The following SMYD4 variants were observed in gnomAD, a reference collection of about 807,000 sequenced individuals.
SMYD4 encodes the protein protein-lysine N-methyltransferase SMYD4.
SMYD4 carries 68 observed loss-of-function variants against 72.8 expected under a neutral mutation model. That is an observed-to-expected ratio of 0.93 (90% CI 0.77 to 1.14). The LOEUF is 1.14. Ranked by LOEUF, SMYD4 falls within the 50% of genes most tolerant of loss-of-function variation. The pLI, the probability that SMYD4 is intolerant of heterozygous loss-of-function variation, is 0.00. For missense variants in SMYD4, 984 were observed against 1,003.7 expected, an observed-to-expected ratio of 0.98 and a Z score of 0.27; for synonymous variants, 407 against 388.6, an observed-to-expected ratio of 1.05 and a Z score of -0.56.
At chr17:1,814,076 C>T (rs1910463592) in intron 2 of SMYD4, among the ~76,000 whole-genome samples, 1 of 151,894 alleles carries the variant, frequency 6.6e-6, no homozygotes, top group Non-Finnish European at 1.5e-5. Context: ...TTTGGGAGGC[C>T]AAAGAGGGAA....
At chr17:1,827,598 AG>A (rs1911257655) in intron 2 of SMYD4, among the ~76,000 whole-genome samples, 1 of 152,160 alleles carries the variant, frequency 6.6e-6, no homozygotes, top group African/African-American at 2.4e-5. Context: ...ACGCTGGGAT[AG>A]AAACGAACCA....
chr17:1,803,371 A>G (rs2151237467), intron 4 of SMYD4, among the ~76,000 whole-genome samples: 1 of 152,366 alleles, frequency 6.6e-6, no homozygotes, highest in African/African-American at 2.4e-5. Flanking sequence ...AGCAGCAAAC[A>G]GTATACTTTG....
chr17:1,807,364 G>C (rs1421672376), intron 3 of SMYD4, among the ~76,000 whole-genome samples: 5 of 149,600 alleles, frequency 3.3e-5, no homozygotes, highest in South Asian at 2.1e-4. Context: ...TCGCTCTTTC[G>C]CCCAGGCTGG....
intron 2 of SMYD4, among the ~76,000 whole-genome samples, chr17:1,813,251 C>T (rs1311996001): frequency 6.6e-6 from 1 of 152,110 alleles, no homozygotes; most frequent in Non-Finnish European, 1.5e-5. Flanking sequence ...GATCTTGAGT[C>T]TGGAAAATGA....
chr17:1,798,757 A>G (rs2151232264), intron 5 of SMYD4, among the ~76,000 whole-genome samples: 1 of 152,136 alleles, frequency 6.6e-6, no homozygotes, highest in Non-Finnish European at 1.5e-5. Context: ...AAAATTAGCC[A>G]GGCATGGTGG....
intron 4 of SMYD4, among the ~76,000 whole-genome samples, chr17:1,802,876 G>C (rs777496046): frequency 6.6e-6 from 1 of 152,184 alleles, no homozygotes; most frequent in Non-Finnish European, 1.5e-5. Context: ...TGACACGGCT[G>C]GGCGCAGTGG....
intron 3 of SMYD4, among the ~76,000 whole-genome samples, chr17:1,807,659 G>A (rs539271697): frequency 2.6e-5 from 4 of 152,252 alleles, no homozygotes; most frequent in African/African-American, 7.2e-5. Context: ...CACCGCGCCC[G>A]GCCTGAGGAC....
chr17:1,815,633 A>C (rs973188973), intron 2 of SMYD4, among the ~76,000 whole-genome samples: 21 of 149,592 alleles, frequency 1.4e-4, no homozygotes, highest in African/African-American at 5.2e-4. Context: ...ACTCCAGCCC[A>C]GTCAGCACAG....
chr17:1,821,808 G>A (rs1228986549), intron 2 of SMYD4, among the ~76,000 whole-genome samples: 1 of 151,612 alleles, frequency 6.6e-6, no homozygotes. Flanking sequence ...GCACACACCT[G>A]TAATCCTAGC....
At chr17:1,782,906 A>C in intron 10 of SMYD4, 129 bp downstream of exon 10, 1 of 1,410,770 alleles carries the variant, frequency 7.1e-7, no homozygotes, top group South Asian at 1.5e-5. Flanking sequence ...ACAGAAGGCA[A>C]AGATCTCTCC....
At position 1,827,978 on chromosome 17, in the gene SMYD4, T is replaced by C. The variant is rs1353244906; in HGVS notation, c.17A>G (p.Asp6Gly). Residue 6 changes from aspartate (D) to glycine (G), a missense_variant, in exon 2 of 11, where the codon GAT becomes GGT. Transcript: ENST00000305513. The stretch of plus-strand genomic sequence containing the variant: ...TTGAAGCAGATATGATTTCCATTCA[T>C]CCACAGGCAGATCCATGCTGCTTTT... MDLPV[D>G]EWKSYLLQKW... The C allele has an allele frequency of 1.2e-6, 2 of 1,611,978 alleles. No homozygotes were observed. Among genetic ancestry groups the C allele is most frequent in the East Asian group, 2.2e-5 (1 of 44,796 alleles).
In SMYD4 at chr17:1,786,971, GC is replaced by G; in HGVS notation, c.1722del (p.Pro575LeufsTer15). ...GCAACCCCCATCCGGCTCTTGTGAGGCCCTGGAGGGAGATCACCGTCAGCCA... is the reference window on the plus strand; with the variant it reads ...GCAACCCCCATCCGGCTCTTGTGAGGCCTGGAGGGAGATCACCGTCAGCCA... ...RKGQEILHCY[G>X]PHKSRMGVAE... On this transcript the variant is annotated frameshift_variant and splice_region_variant, in exon 7 of 11. Transcript: ENST00000305513. LOFTEE classifies it high-confidence loss of function. 6.2e-7 allele frequency: 1 copy of G among 1,612,712 alleles called. No individual in the cohort carries two copies. The highest frequency in any genetic ancestry group is 8.5e-7 in the Non-Finnish European group (1 of 1,179,772).
chr17:1,808,508 C>A (rs979127597), intron 3 of SMYD4, among the ~76,000 whole-genome samples: 1 of 152,048 alleles, frequency 6.6e-6, no homozygotes, highest in Admixed American at 6.6e-5. Flanking sequence ...TCTTTATGCT[C>A]CTCTGTACTT....
At chr17:1,801,051 T>C (rs773574249) in intron 4 of SMYD4, 27 bp from the exon 5 acceptor site, 3 of 1,569,390 alleles carry the variant, frequency 1.9e-6, no homozygotes, top group African/African-American at 1.4e-5. Context: ...AATCCCACAA[T>C]GACCCTTGGT....
At chr17:1,785,588 C>T (rs967680234) in intron 7 of SMYD4, among the ~76,000 whole-genome samples, 1 of 151,618 alleles carries the variant, frequency 6.6e-6, no homozygotes, top group Non-Finnish European at 1.5e-5. Flanking sequence ...ATGGCCAACT[C>T]GTCTCTACTA....
At chr17:1,795,434 T>TCTATCTATCTAC (rs1909348794) in intron 5 of SMYD4, among the ~76,000 whole-genome samples, 1 of 132,294 alleles carries the variant, frequency 7.6e-6, no homozygotes, top group South Asian at 2.3e-4. Context: ...TATCTATCTA[T>TCTATCTATCTAC]CTATCTATCT....
intron 5 of SMYD4, among the ~76,000 whole-genome samples, chr17:1,794,081 G>GTGTGTATATATA (rs1454228796): frequency 2.9e-4 from 5 of 17,124 alleles, no homozygotes; most frequent in Non-Finnish European, 4.4e-4. Context: ...ATATATATGT[G>GTGTGTATATATA]TATATATATA....
chr17:1,798,552 C>T (rs1414871862), intron 5 of SMYD4, among the ~76,000 whole-genome samples: 1 of 151,368 alleles, frequency 6.6e-6, no homozygotes, highest in Non-Finnish European at 1.5e-5. Flanking sequence ...TGCTTGAGCC[C>T]AGGAGTTCAA....
chr17:1,787,618 A>C lies in SMYD4; in HGVS notation c.1538-14T>G. On this transcript the variant is annotated splice_polypyrimidine_tract_variant and intron_variant, in intron 5 of 10. Transcript: ENST00000305513. ...TCCCTTTAGGTCCTGAAAGGGCAAG[A>C]GGAAAGAAGGAAAAAGGTGTCAGCA... The C allele has an allele frequency of 6.4e-7, 1 of 1,561,038 alleles. No homozygotes were observed.
Sources: allele counts gnomAD v4.1 joint callset (sites outside exome capture counted in the v4.1 genomes callset), GRCh38; gene constraint gnomAD v4.1.1; transcripts MANE v1.5; gene names NCBI Gene and HGNC (gene_info 2026-07-23, HGNC 2026-07-21).